Variants in ZC3H12B observed in about 807,000 individuals in gnomAD.
ZC3H12B encodes probable ribonuclease ZC3H12B.
Under a neutral mutation model 43.9 loss-of-function variants are expected in ZC3H12B, and 7 were observed. The ratio of observed to expected loss-of-function variants is 0.16; its 90% CI spans 0.09 to 0.30. The LOEUF (loss-of-function observed/expected upper bound fraction) is 0.30, where lower values mean the gene tolerates loss of function less well. Among genes scored for constraint, ZC3H12B ranks in the 10% least tolerant of loss-of-function variants. ZC3H12B has a pLI of 1.00. For synonymous variants in ZC3H12B, 222 were observed against 241.7 expected (o/e 0.92, Z 0.76); for missense variants, 475 against 670.2 (o/e 0.71, Z 3.22).
At chrX:65,307,854 G>T in the ZC3H12B span, among the ~76,000 whole-genome samples, 4 of 111,994 alleles carry the variant, frequency 3.6e-5, no homozygotes, top group African/African-American at 1.3e-4. Context: ...ACACATTTCT[G>T]TATGGGACAA....
the ZC3H12B span, among the ~76,000 whole-genome samples, chrX:65,198,492 A>G: frequency 8.9e-5 from 10 of 112,057 alleles, no homozygotes; most frequent in East Asian, 2.8e-3. Flanking sequence ...TCTTGTTTGA[A>G]GAATATTTTT....
the ZC3H12B span, among the ~76,000 whole-genome samples, chrX:65,057,028 G>C: frequency 4.5e-5 from 5 of 111,780 alleles, no homozygotes; most frequent in African/African-American, 1.3e-4. Flanking sequence ...GATAGGTCTG[G>C]ACTCTTTATC....
At chrX:65,073,714 C>T in the ZC3H12B span, among the ~76,000 whole-genome samples, 1 of 111,989 alleles carries the variant, frequency 8.9e-6, no homozygotes, top group African/African-American at 3.3e-5. Context: ...CCTGCCAACT[C>T]AAGTGTCCGT....
chrX:65,359,105 C>T, the ZC3H12B span, among the ~76,000 whole-genome samples: 3 of 110,990 alleles, frequency 2.7e-5, no homozygotes, highest in African/African-American at 9.8e-5. Flanking sequence ...CTGTTTACAG[C>T]ACTACAACAT....
chrX:65,151,470 C>A, the ZC3H12B span, among the ~76,000 whole-genome samples: 17 of 111,892 alleles, frequency 1.5e-4, no homozygotes, highest in African/African-American at 5.2e-4. Context: ...GTTGTACCCA[C>A]TAATAGCAAG....
At chrX:65,295,683 G>A in the ZC3H12B span, among the ~76,000 whole-genome samples, 2 of 111,722 alleles carry the variant, frequency 1.8e-5, no homozygotes, top group South Asian at 3.7e-4. Context: ...AAAGAATAGA[G>A]AAGATCCAAA....
the ZC3H12B span, among the ~76,000 whole-genome samples, chrX:65,290,794 A>C: frequency 1.8e-5 from 2 of 110,683 alleles, no homozygotes; most frequent in Non-Finnish European, 3.8e-5. Context: ...ATGTAGGAGT[A>C]AAAAAATTTG....
At chrX:65,085,826 A>G in the ZC3H12B span, among the ~76,000 whole-genome samples, 2 of 111,619 alleles carry the variant, frequency 1.8e-5, no homozygotes, top group African/African-American at 3.2e-5. Flanking sequence ...TTGGACATGT[A>G]GTACAAAGAA....
chrX:65,211,381 A>G, the ZC3H12B span, among the ~76,000 whole-genome samples: 1 of 109,033 alleles, frequency 9.2e-6, no homozygotes, highest in Non-Finnish European at 1.9e-5. Context: ...AAAAAACCAA[A>G]GAGTTCCTTG....
the ZC3H12B span, among the ~76,000 whole-genome samples, chrX:65,132,639 C>G: frequency 9.0e-6 from 1 of 111,095 alleles, no homozygotes; most frequent in Non-Finnish European, 1.9e-5. Context: ...GGGAGCTGGA[C>G]AGGTGGGGAT....
chrX:65,284,251 C>CA, the ZC3H12B span, among the ~76,000 whole-genome samples: 1,655 of 67,843 alleles, frequency 0.024, 16 homozygotes, highest in South Asian at 0.052. Flanking sequence ...CACACACACA[C>CA]AAAAAAAAAA....
the ZC3H12B span, among the ~76,000 whole-genome samples, chrX:65,307,992 A>G: frequency 9.0e-6 from 1 of 111,601 alleles, no homozygotes; most frequent in Non-Finnish European, 1.9e-5. Flanking sequence ...CAGCAAAAAT[A>G]TTCTTCAAAA....
intron 2 of ZC3H12B, among the ~76,000 whole-genome samples, chrX:65,374,432 G>T: frequency 9.6e-6 from 1 of 104,511 alleles, no homozygotes; most frequent in East Asian, 3.0e-4. Flanking sequence ...AATAAAAGTT[G>T]AAATTTTTAA....
intron 1 of ZC3H12B, among the ~76,000 whole-genome samples, chrX:65,492,979 C>T (rs1427113102): frequency 7.2e-5 from 8 of 110,620 alleles, no homozygotes; most frequent in African/African-American, 1.3e-4. Context: ...GGTTCATGCC[C>T]GTAGTCCCAG....
At position 65,382,582 on chromosome X, in the gene ZC3H12B, A is replaced by C. The variant is rs1326943298; in HGVS notation, n.295+13584A>C. Among the ~76,000 whole-genome samples the C allele has an allele frequency of 3.6e-5, 4 of 111,660 alleles. No individual in the cohort carries two copies. In the East Asian group the frequency reaches 1.1e-3, roughly 31 times the overall value. On this transcript the variant is annotated intron_variant and non_coding_transcript_variant, in intron 2 of 5. Coordinates refer to the ZC3H12B transcript ENST00000617377. ...CTCTCTCACCACTCCTATTCAGCAT[A>C]GTATTGGAAGTTCTGGCTAGGGCAA...
the ZC3H12B span, among the ~76,000 whole-genome samples, chrX:65,213,697 T>G: frequency 1.7e-4 from 19 of 110,312 alleles, no homozygotes; most frequent in Non-Finnish European, 3.2e-4. Flanking sequence ...TTTCAGCATG[T>G]TGTCATGTTT....
chrX:65,442,874 C>A (rs187759607), intron 3 of ZC3H12B, among the ~76,000 whole-genome samples: 227 of 111,684 alleles, frequency 2.0e-3, no homozygotes, highest in African/African-American at 7.0e-3. Flanking sequence ...ATCACCCTCT[C>A]GTCTAGCTTG....
At chrX:65,471,389 A>G (rs2067910445) in intron 3 of ZC3H12B, among the ~76,000 whole-genome samples, 2 of 107,659 alleles carry the variant, frequency 1.9e-5, no homozygotes, top group African/African-American at 3.4e-5. Flanking sequence ...TCTTGAGTCT[A>G]TAAGAATCTT....
At chrX:65,284,318 CA>C in the ZC3H12B span, among the ~76,000 whole-genome samples, 11 of 108,123 alleles carry the variant, frequency 1.0e-4, no homozygotes, top group African/African-American at 1.7e-4. Flanking sequence ...AACAATTCTC[CA>C]GTAATAGATC....
Sources: gnomAD v4.1 joint callset for allele counts (sites outside exome capture counted in the v4.1 genomes callset) on GRCh38, gnomAD v4.1.1 for gene constraint, MANE v1.5 for transcripts, NCBI Gene and HGNC (gene_info 2026-07-23, HGNC 2026-07-21) for gene names.